Variants in RBFOX1 observed in about 807,000 individuals in gnomAD.
RBFOX1 encodes RNA binding fox-1 homolog 1.
Under a neutral mutation model 57.7 loss-of-function variants are expected in RBFOX1, and 8 were observed. The observed-to-expected ratio is 0.14, with a 90% CI of 0.08 to 0.25. The LOEUF is 0.25. RBFOX1 is among the 10% of genes least tolerant of loss of function. The pLI is 1.00. For synonymous variants in RBFOX1, 326 were observed against 222.4 expected (o/e 1.47, Z -4.15); for missense variants, 611 against 548.5 (o/e 1.11, Z -1.14).
At chr16:7,165,407 A>AATAATAATAATAATAATAATG (rs1172882737) in intron 4 of RBFOX1, among the ~76,000 whole-genome samples, 2 of 147,070 alleles carry the variant, frequency 1.4e-5, no homozygotes, top group Non-Finnish European at 1.5e-5. Context: ...TAATAATAAT[A>AATAATAATAATAATAATAATG]ATGATAATAA....
At chr16:6,171,073 T>C (rs536934475) in intron 1 of RBFOX1, among the ~76,000 whole-genome samples, 72 of 152,326 alleles carry the variant, frequency 4.7e-4, no homozygotes, top group African/African-American at 1.6e-3. Context: ...GTCTTTATGA[T>C]AGAATGATTT....
In RBFOX1 at chr16:7,132,433, G is replaced by GACAC. The variant is rs36226659; in HGVS notation, c.27+80381_27+80384dup. Among the ~76,000 whole-genome samples, 276 of 144,898 alleles carry GACAC rather than the reference G, an allele frequency of 1.9e-3. 1 individual carries two copies. The highest frequency in any genetic ancestry group is 3.7e-3 in the African/African-American group (146 of 38,948). On this transcript the variant is annotated intron_variant, in intron 4 of 15. Transcript: ENST00000550418. ...AAGGTTGAAGAAATTGTGATACACA[G>GACAC]ACACACACACACACACACACACACA...
intron 5 of RBFOX1, among the ~76,000 whole-genome samples, chr16:7,576,602 T>G (rs1026543921): frequency 1.3e-5 from 2 of 152,254 alleles, no homozygotes; most frequent in African/African-American, 4.8e-5. Flanking sequence ...AATTGAGCGT[T>G]GTATGTTTTT....
intron 10 of RBFOX1, among the ~76,000 whole-genome samples, chr16:7,629,522 G>A (rs930577218): frequency 6.6e-6 from 1 of 152,124 alleles, no homozygotes; most frequent in South Asian, 2.1e-4. Context: ...TCAAGGAAGT[G>A]ACCAGAAACC....
chr16:6,837,778 C>T (rs555891437), intron 3 of RBFOX1, among the ~76,000 whole-genome samples: 1 of 152,108 alleles, frequency 6.6e-6, no homozygotes, highest in African/African-American at 2.4e-5. Context: ...GTCATTATTA[C>T]AATCTTGTTA....
chr16:5,498,063 G>A (rs571760940), intron 2 of RBFOX1, among the ~76,000 whole-genome samples: 226 of 152,336 alleles, frequency 1.5e-3, no homozygotes, highest in Non-Finnish European at 2.8e-3. Context: ...GAGTGAGTGA[G>A]CTTGAGGGAG....
chr16:6,628,752 C>T (rs1252643828), intron 2 of RBFOX1, among the ~76,000 whole-genome samples: 2 of 152,154 alleles, frequency 1.3e-5, no homozygotes, highest in East Asian at 1.9e-4. Flanking sequence ...ACTTTTGTAA[C>T]ACGAAGCTCT....
chr16:7,580,688 G>C (rs1321646547), intron 6 of RBFOX1, among the ~76,000 whole-genome samples: 1 of 151,952 alleles, frequency 6.6e-6, no homozygotes, highest in Non-Finnish European at 1.5e-5. Context: ...TTTTTTTCTC[G>C]AAGATATCTT....
At position 6,926,504 on chromosome 16, in the gene RBFOX1, C is replaced by T. The variant is rs148480170; in HGVS notation, c.-15-125553C>T. Among the ~76,000 whole-genome samples, 529 of 152,144 alleles carry T rather than the reference C, an allele frequency of 3.5e-3. 4 individuals are homozygous for T. Among genetic ancestry groups the T allele is most frequent in the Non-Finnish European group, 5.4e-3 (367 of 68,008 alleles). Reference sequence around the variant, plus strand: ...TTGATTAAGTTAATGACATTTGTAGCGGTGTTATAGGCTGCAGGCCAGGGA... The same window carrying T: ...TTGATTAAGTTAATGACATTTGTAGTGGTGTTATAGGCTGCAGGCCAGGGA... On this transcript the variant is annotated intron_variant, in intron 3 of 15. Coordinates refer to ENST00000550418, the MANE Select transcript of RBFOX1 (RefSeq NM_018723.4).
At position 5,642,330 on chromosome 16, in the gene RBFOX1, A is replaced by G. The variant is rs565027015; in HGVS notation, c.318+43369A>G. Among the ~76,000 whole-genome samples the G allele has an allele frequency of 8.5e-5, 13 of 152,336 alleles. No homozygotes were observed. In the East Asian group the frequency reaches 1.2e-3, roughly 14 times the overall value. ...CAGCTGTGCGAATTACCCGAAATACATGAAAGCAATCCATGCGAGATCAAA... is the reference window on the plus strand; with the variant it reads ...CAGCTGTGCGAATTACCCGAAATACGTGAAAGCAATCCATGCGAGATCAAA... On this transcript the variant is annotated intron_variant, in intron 3 of 19. Transcript: ENST00000641259.
chr16:6,144,344 C>T (rs2096741709), intron 1 of RBFOX1, among the ~76,000 whole-genome samples: 1 of 151,996 alleles, frequency 6.6e-6, no homozygotes, highest in South Asian at 2.1e-4. Context: ...TTGCTTACCT[C>T]TTGGAGATCT....
At chr16:5,790,398 G>C (rs2054650461) in intron 3 of RBFOX1, among the ~76,000 whole-genome samples, 1 of 152,034 alleles carries the variant, frequency 6.6e-6, no homozygotes, top group South Asian at 2.1e-4. Context: ...GGGGCCGTAG[G>C]AATGGCTTTG....
chr16:6,063,231 A>C (rs2095711378), intron 1 of RBFOX1, among the ~76,000 whole-genome samples: 1 of 152,114 alleles, frequency 6.6e-6, no homozygotes, highest in Admixed American at 6.6e-5. Flanking sequence ...AAAACTATCA[A>C]GGCAGAGGCT....
At chr16:6,803,879 T>G (rs1180186859) in intron 3 of RBFOX1, among the ~76,000 whole-genome samples, 1 of 152,204 alleles carries the variant, frequency 6.6e-6, no homozygotes, top group Non-Finnish European at 1.5e-5. Flanking sequence ...TGCTGTAAGC[T>G]GCAGAGTGTT....
chr16:7,293,844 G>A (rs2095841330), intron 4 of RBFOX1, among the ~76,000 whole-genome samples: 1 of 152,130 alleles, frequency 6.6e-6, no homozygotes, highest in African/African-American at 2.4e-5. Flanking sequence ...ATGCAATGAT[G>A]CCAGGGACTA....
At chr16:7,703,930 G>A (rs190499942) in intron 14 of RBFOX1, among the ~76,000 whole-genome samples, 77 of 152,308 alleles carry the variant, frequency 5.1e-4, no homozygotes, top group South Asian at 1.0e-3. Context: ...CCAAAAGTCT[G>A]GGCAAGGAGG....
Position 6,395,495 on chromosome 16 carries a change from A to AT in RBFOX1, c.-64+78444dup, listed in dbSNP as rs546328997. On this transcript the variant is annotated intron_variant, in intron 2 of 15. Coordinates refer to ENST00000550418, the MANE Select transcript of RBFOX1 (RefSeq NM_018723.4). ...GCATGGTTGTTTTGACCTTTTTCTC[A>AT]TTTTTTGTAGATATTTAAGTTCTTA... is the stretch of plus-strand genomic sequence containing the variant. 3.0e-3 allele frequency among the ~76,000 whole-genome samples: 453 copies of AT among 151,722 alleles called. 4 individuals are homozygous for AT. Among genetic ancestry groups the AT allele is most frequent in the African/African-American group, 9.3e-3 (384 of 41,380 alleles).
chr16:5,449,927 A>C (rs2341493), intron 1 of RBFOX1, among the ~76,000 whole-genome samples: 100,969 of 152,058 alleles, frequency 0.66, 33,671 homozygotes, highest in African/African-American at 0.72. Flanking sequence ...CTTTGTACAT[A>C]TCCCCTTCTA....
Position 6,193,400 on chromosome 16 carries a change from A to ATATACTG in RBFOX1, c.-126-123591_-126-123590insCTGTATA, listed in dbSNP as rs1567651293. ...TACATTATATATATATACTATATAT[A>ATATACTG]TATATATATATATATATATATATAT... On this transcript the variant is annotated intron_variant, in intron 1 of 15. Coordinates refer to ENST00000550418, the MANE Select transcript of RBFOX1 (RefSeq NM_018723.4). Among the ~76,000 whole-genome samples the ATATACTG allele has an allele frequency of 1.8e-4, 15 of 85,230 alleles. 1 individual carries two copies. Among genetic ancestry groups the ATATACTG allele is most frequent in the South Asian group, 1.0e-3 (3 of 2,880 alleles). 55.9% of individuals were successfully genotyped at this position (85,230 alleles called of 152,430 possible).
Sources: allele counts gnomAD v4.1 joint callset (sites outside exome capture counted in the v4.1 genomes callset), GRCh38; gene constraint gnomAD v4.1.1; transcripts MANE v1.5; gene names NCBI Gene and HGNC (gene_info 2026-07-23, HGNC 2026-07-21).